CDH8: variants seen among roughly 807,000 people sequenced by gnomAD.
The protein encoded by CDH8 is cadherin 8, also known as cadherin-8.
Under a neutral mutation model 68.1 loss-of-function variants are expected in CDH8, and 17 were observed. The ratio of observed to expected loss-of-function variants is 0.25; its 90% CI spans 0.17 to 0.37. The LOEUF (loss-of-function observed/expected upper bound fraction) is 0.37, where lower values mean the gene tolerates loss of function less well. Among genes scored for constraint, CDH8 ranks in the 10% least tolerant of loss-of-function variants. The pLI is 1.00. For missense variants in CDH8, 763 were observed against 999.3 expected (o/e 0.76, Z 3.19); for synonymous variants, 372 against 365.1 (o/e 1.02, Z -0.21).
At chr16:61,724,527 A>C (rs968780435) in intron 9 of CDH8, among the ~76,000 whole-genome samples, 1 of 150,550 alleles carries the variant, frequency 6.6e-6, no homozygotes, top group African/African-American at 2.4e-5. Flanking sequence ...ATTATTGCTA[A>C]TAATTTCCAG....
At chr16:61,665,937 CG>C (rs540139962) in intron 10 of CDH8, among the ~76,000 whole-genome samples, 4 of 150,736 alleles carry the variant, frequency 2.7e-5, no homozygotes, top group Admixed American at 2.7e-4. Flanking sequence ...CCATGGTTTC[CG>C]TTACTCACAG....
At chr16:61,711,993 A>C (rs1370154981) in intron 10 of CDH8, among the ~76,000 whole-genome samples, 4 of 151,752 alleles carry the variant, frequency 2.6e-5, no homozygotes, top group Non-Finnish European at 5.9e-5. Flanking sequence ...ATCTTTAAAA[A>C]ATTTACAAAG....
rs555920348 is a variant in CDH8, at chr16:61,703,375, TAGAG to T, written c.1654+10462_1654+10465del. Among the ~76,000 whole-genome samples, 96 of 152,294 alleles carry T rather than the reference TAGAG, an allele frequency of 6.3e-4. 1 individual carries two copies. In the East Asian group the frequency reaches 0.017, roughly 27 times the overall value. On this transcript the variant is annotated intron_variant, in intron 10 of 11. Transcript: ENST00000577390. ...CATTTTCTTCCTTTGAGAAAAAAGA[TAGAG>T]AATTTTAGATAATTGTCTCTTACCC...
At chr16:61,779,469 G>A (rs964174005) in intron 8 of CDH8, among the ~76,000 whole-genome samples, 1 of 139,220 alleles carries the variant, frequency 7.2e-6, no homozygotes, top group Non-Finnish European at 1.5e-5. Flanking sequence ...GTGTGTGCGC[G>A]CATGGTGAGG....
intron 4 of CDH8, among the ~76,000 whole-genome samples, chr16:61,829,278 G>C (rs1295192548): frequency 6.6e-6 from 1 of 151,722 alleles, no homozygotes; most frequent in Non-Finnish European, 1.5e-5. Context: ...TAAGGTCTAG[G>C]AGTCTTGATG....
At chr16:61,843,109 A>G (rs987734861) in intron 4 of CDH8, among the ~76,000 whole-genome samples, 2 of 152,122 alleles carry the variant, frequency 1.3e-5, no homozygotes, top group Non-Finnish European at 2.9e-5. Flanking sequence ...CTCTGGTCCT[A>G]TACTTTATAC....
At chr16:61,690,833 G>A (rs1461486230) in intron 10 of CDH8, among the ~76,000 whole-genome samples, 1 of 152,018 alleles carries the variant, frequency 6.6e-6, no homozygotes, top group Non-Finnish European at 1.5e-5. Flanking sequence ...ATACGTGGGT[G>A]ACTCCTCCCT....
intron 2 of CDH8, among the ~76,000 whole-genome samples, chr16:62,008,476 A>C (rs1901724096): frequency 6.6e-6 from 1 of 151,608 alleles, no homozygotes; most frequent in Non-Finnish European, 1.5e-5. Flanking sequence ...GATGGAAGAA[A>C]CTATAGGAAC....
At chr16:61,753,887 A>C (rs1363078298) in intron 8 of CDH8, among the ~76,000 whole-genome samples, 1 of 152,092 alleles carries the variant, frequency 6.6e-6, no homozygotes, top group African/African-American at 2.4e-5. Flanking sequence ...AATAATAAAA[A>C]CAGTAGGAGC....
At chr16:61,853,803 C>T (rs1962988126) in intron 4 of CDH8, among the ~76,000 whole-genome samples, 1 of 151,970 alleles carries the variant, frequency 6.6e-6, no homozygotes, top group Admixed American at 6.6e-5. Context: ...GTTTTTGACC[C>T]ATAGCATGCA....
intron 8 of CDH8, among the ~76,000 whole-genome samples, chr16:61,773,476 T>C (rs1960830340): frequency 1.3e-5 from 2 of 152,138 alleles, no homozygotes; most frequent in African/African-American, 4.8e-5. Flanking sequence ...GGTATTTGTG[T>C]ATTGTTTATA....
At chr16:61,987,593 G>T (rs1965649876) in intron 2 of CDH8, among the ~76,000 whole-genome samples, 1 of 152,132 alleles carries the variant, frequency 6.6e-6, no homozygotes, top group Non-Finnish European at 1.5e-5. Flanking sequence ...TGGTAGGGAA[G>T]AAAGCAGAAG....
chr16:61,833,548 C>CA (rs1161753125), intron 4 of CDH8, among the ~76,000 whole-genome samples: 1 of 151,792 alleles, frequency 6.6e-6, no homozygotes, highest in African/African-American at 2.4e-5. Context: ...TCACCAATTT[C>CA]AAAAAAGTAA....
intron 2 of CDH8, among the ~76,000 whole-genome samples, chr16:61,980,334 G>T (rs988231618): frequency 6.6e-6 from 1 of 152,168 alleles, no homozygotes; most frequent in South Asian, 2.1e-4. Flanking sequence ...GAAGAACACA[G>T]CCCTATTGAC....
At chr16:61,769,066 G>A (rs1475623145) in intron 8 of CDH8, among the ~76,000 whole-genome samples, 1 of 151,696 alleles carries the variant, frequency 6.6e-6, no homozygotes, top group Non-Finnish European at 1.5e-5. Context: ...GATTCCATTG[G>A]CCATTGAGCT....
chr16:61,751,934 C>A (rs1273415673), intron 8 of CDH8, among the ~76,000 whole-genome samples: 3 of 152,012 alleles, frequency 2.0e-5, no homozygotes, highest in Admixed American at 6.6e-5. Flanking sequence ...CCTATTCTCC[C>A]TTCATTCATT....
chr16:61,852,852 C>CCCTTCCTT (rs138549766), intron 4 of CDH8, among the ~76,000 whole-genome samples: 6,781 of 133,046 alleles, frequency 0.051, 381 homozygotes, highest in African/African-American at 0.13. Context: ...CCTGACTCTG[C>CCCTTCCTT]CCTTCCTTCC....
intron 2 of CDH8, among the ~76,000 whole-genome samples, chr16:61,966,938 C>T (rs1965261622): frequency 6.6e-6 from 1 of 152,136 alleles, no homozygotes; most frequent in Non-Finnish European, 1.5e-5. Flanking sequence ...GGCATGGTGG[C>T]TCACACCTGT....
intron 6 of CDH8, among the ~76,000 whole-genome samples, chr16:61,819,162 A>G (rs150079476): frequency 7.4e-4 from 112 of 152,136 alleles, no homozygotes; most frequent in African/African-American, 2.6e-3. Flanking sequence ...CAAGATAACA[A>G]CAATGAACCC....
Sources: gnomAD v4.1 joint callset for allele counts (sites outside exome capture counted in the v4.1 genomes callset) on GRCh38, gnomAD v4.1.1 for gene constraint, MANE v1.5 for transcripts, NCBI Gene and HGNC (gene_info 2026-07-23, HGNC 2026-07-21) for gene names.